MNS1: variants seen among roughly 807,000 people sequenced by gnomAD.
MNS1 encodes the protein meiosis-specific nuclear structural protein 1.
Under a neutral mutation model 72.0 loss-of-function variants are expected in MNS1, and 63 were observed. That is an observed-to-expected ratio of 0.87 (90% CI 0.71 to 1.08). The LOEUF (loss-of-function observed/expected upper bound fraction) is 1.08. Among genes scored for constraint, MNS1 ranks in the 50% least tolerant of loss-of-function variants. The probability of loss-of-function intolerance (pLI) is 0.00; values close to 1 mark genes in which losing one functional copy is unlikely to be tolerated. For missense variants in MNS1, 604 were observed against 562.4 expected (o/e 1.07, Z -0.75); for synonymous variants, 188 against 172.1 (o/e 1.09, Z -0.72).
chr15:56,436,865 A>C (rs1354159489), intron 7 of MNS1, among the ~76,000 whole-genome samples: 2 of 152,186 alleles, frequency 1.3e-5, no homozygotes, highest in African/African-American at 4.8e-5. Flanking sequence ...GAAATGGATA[A>C]ATTCCTGGAC....
rs1465703633 is a variant in MNS1, at chr15:56,446,959, AAAAC to A, written c.354-20_354-17del. On this transcript the variant is annotated splice_polypyrimidine_tract_variant and intron_variant, in intron 3 of 9. Transcript: ENST00000260453. ...AAGCTCAATGCTGTTTAAAAAAACA[AAAAC>A]AAATTTAAATGTTAGGACCATAAGA... 1 of 1,567,970 alleles carries A rather than the reference AAAAC, an allele frequency of 6.4e-7. No homozygotes were observed. The highest frequency in any genetic ancestry group is 8.7e-7 in the Non-Finnish European group (1 of 1,146,490).
Position 56,460,009 on chromosome 15 carries a change from A to AAAAAAAAAAAAATATATATATATAT in MNS1, c.226-3489_226-3488insATATATATATATATTTTTTTTTTTT. ...CTGTCTCAAAAAAAAAAAAAAAAAA[A>AAAAAAAAAAAAATATATATATATAT]ATACATATATATATATATATATATA... On this transcript the variant is annotated intron_variant, in intron 2 of 9. Transcript: ENST00000260453. Among the ~76,000 whole-genome samples, 6 of 26,378 alleles carry AAAAAAAAAAAAATATATATATATAT rather than the reference A, an allele frequency of 2.3e-4. 1 individual carries two copies. Among genetic ancestry groups the AAAAAAAAAAAAATATATATATATAT allele is most frequent in the East Asian group, 1.1e-3 (1 of 876 alleles). The allele number at this position is 26,378 out of a possible 152,430, so 17.3% of individuals were successfully genotyped here.
intron 9 of MNS1, 132 bp downstream of exon 9, chr15:56,431,241 C>T (rs1191736319): frequency 1.0e-6 from 1 of 980,562 alleles, no homozygotes; most frequent in Non-Finnish European, 1.5e-6. Flanking sequence ...AGTGCCTGGA[C>T]AGGAGGATCC....
chr15:56,429,969 T>G (rs2050529148), intron 9 of MNS1: 1 of 152,208 alleles, frequency 6.6e-6, no homozygotes. Context: ...ACATATGGAT[T>G]TTATCATTAA....
chr15:56,454,752 C>G (rs2050970106), intron 3 of MNS1, among the ~76,000 whole-genome samples: 1 of 152,146 alleles, frequency 6.6e-6, no homozygotes, highest in African/African-American at 2.4e-5. Flanking sequence ...AATACATCTG[C>G]TAGAACTTTG....
At chr15:56,439,751 T>TAA (rs374476223) in intron 7 of MNS1, among the ~76,000 whole-genome samples, 2 of 82,532 alleles carry the variant, frequency 2.4e-5, no homozygotes, top group East Asian at 3.1e-4. Flanking sequence ...TGGAAAAGCA[T>TAA]AAAAAAAAAA....
In MNS1 at chr15:56,444,648, G is replaced by C; in HGVS notation, c.482C>G (p.Thr161Ser). The C allele has an allele frequency of 6.2e-7, 1 of 1,608,250 alleles. No individual in the cohort carries two copies. The highest frequency in any genetic ancestry group is 8.5e-7 in the Non-Finnish European group (1 of 1,178,402). ...TATTCTCTTGTGTTCTTCCATCATGGTTTTGGCTATTTCAGCATCACGTTT... is the reference window on the plus strand; with the variant it reads ...TATTCTCTTGTGTTCTTCCATCATGCTTTTGGCTATTTCAGCATCACGTTT... ...QMKRDAEIAK[T>S]MMEEHKRIIK... The change falls in exon 5 of 10, where the codon ACC (threonine) becomes AGC (serine). Residue 161 changes from threonine to serine, a missense_variant. Thr to Ser is a moderately conservative substitution (Grantham distance 58). Transcript: ENST00000260453.
At position 56,460,009 on chromosome 15, in the gene MNS1, A is replaced by AAAATATATAT; in HGVS notation, c.226-3489_226-3488insATATATATTT. ...CTGTCTCAAAAAAAAAAAAAAAAAA[A>AAAATATATAT]ATACATATATATATATATATATATA... On this transcript the variant is annotated intron_variant, in intron 2 of 9. Transcript: ENST00000260453. 4.9e-4 allele frequency among the ~76,000 whole-genome samples: 13 copies of AAAATATATAT among 26,380 alleles called. 3 individuals are homozygous for AAAATATATAT. The highest frequency in any genetic ancestry group is 3.0e-3 in the South Asian group (2 of 674). The allele number at this position is 26,380 out of a possible 152,430, so 17.3% of individuals were successfully genotyped here.
rs369951910 is a variant in MNS1 at position 56,444,587 on chromosome 15, G to C, written c.543C>G (p.Asn181Lys). 1.1e-5 allele frequency: 18 copies of C among 1,612,292 alleles called. No homozygotes were observed. Among genetic ancestry groups the C allele is most frequent in the Non-Finnish European group, 1.5e-5 (18 of 1,179,296 alleles). The stretch of plus-strand genomic sequence containing the variant: ...CAAGATAGTACTGTGCTTTCGCTTT[G>C]TTTCGTTTGTCTTCTGCAGCATTCT... ...KEENAAEDKRNKAKAQYYLDL... is the reference protein window; with the variant it reads ...KEENAAEDKRKKAKAQYYLDL... Residue 181 changes from asparagine to lysine, a missense_variant, in exon 5 of 10, where the codon AAC (asparagine) becomes AAG (lysine). By Grantham distance (94) the Asn-to-Lys change is moderately conservative. Transcript: ENST00000260453.
chr15:56,432,089 C>A (rs1325228895), intron 8 of MNS1, among the ~76,000 whole-genome samples: 1 of 152,104 alleles, frequency 6.6e-6, no homozygotes, highest in Non-Finnish European at 1.5e-5. Context: ...AAACCTAATT[C>A]TATCTTAATT....
chr15:56,442,482 T>C (rs1322712536), intron 7 of MNS1, among the ~76,000 whole-genome samples: 1 of 152,152 alleles, frequency 6.6e-6, no homozygotes, highest in Non-Finnish European at 1.5e-5. Context: ...AGATATGGAA[T>C]CCACCTAGAT....
Position 56,434,309 on chromosome 15 carries a change from C to T in MNS1, c.1098G>A (p.Gln366=). The T allele has an allele frequency of 1.2e-6, 2 of 1,613,858 alleles. No individual in the cohort carries two copies. The highest frequency in any genetic ancestry group is 1.7e-6 in the Non-Finnish European group (2 of 1,179,906). ...EQMALKELVL[Q]AAKEEEENFR... is the part of the protein sequence containing the mutation. ...AGTTCTCCTCTTCCTCTTTTGCAGCCTGTAGCACTAATTCCTTCAAGGCCA... is the reference window on the plus strand; with the variant it reads ...AGTTCTCCTCTTCCTCTTTTGCAGCTTGTAGCACTAATTCCTTCAAGGCCA... Residue 366 remains glutamine (Q), a synonymous_variant, in exon 8 of 10, where the codon CAG becomes CAA. Coordinates refer to ENST00000260453, the MANE Select transcript of MNS1 (RefSeq NM_018365.4).
At chr15:56,445,000 CTTA>C (rs1346675573) in intron 4 of MNS1, among the ~76,000 whole-genome samples, 1 of 152,010 alleles carries the variant, frequency 6.6e-6, no homozygotes, top group Non-Finnish European at 1.5e-5. Flanking sequence ...CAGTCATTAT[CTTA>C]TTATTCTATT....
chr15:56,430,362 A>ACATCCAGTTAACTTTTTAT (rs2050552127), intron 9 of MNS1, among the ~76,000 whole-genome samples: 2 of 152,074 alleles, frequency 1.3e-5, no homozygotes, highest in African/African-American at 4.8e-5. Context: ...GTGCATCACC[A>ACATCCAGTTAACTTTTTAT]CATCCAGTTA....
intron 7 of MNS1, among the ~76,000 whole-genome samples, chr15:56,435,967 G>T (rs926100337): frequency 1.3e-5 from 2 of 151,960 alleles, no homozygotes; most frequent in Non-Finnish European, 2.9e-5. Context: ...GTTTATTACA[G>T]GGATGCAAGA....
intron 2 of MNS1, among the ~76,000 whole-genome samples, chr15:56,460,007 A>ATATATATATATATATATATATAT (rs1555449663): frequency 7.2e-5 from 2 of 27,634 alleles, no homozygotes; most frequent in African/African-American, 1.3e-4. Context: ...AAAAAAAAAA[A>ATATATATATATATATATATATAT]AAATACATAT....
chr15:56,431,264 A>G, intron 9 of MNS1, 109 bp downstream of exon 9: 1 of 1,306,622 alleles, frequency 7.7e-7, no homozygotes. Context: ...TTGCTGCTTC[A>G]TAACCGAGCA....
rs1381465389 is a variant in MNS1, at chr15:56,428,868, A to G, written c.*233T>C. On this transcript the variant is annotated 3_prime_UTR_variant, in exon 10 of 10. Coordinates refer to ENST00000260453, the MANE Select transcript of MNS1 (RefSeq NM_018365.4). ...CTGTCTTGAGGATGGGGATGCAAAC[A>G]GTGCTCTGTAGTGTTGTAGAAATCG... is the stretch of plus-strand genomic sequence containing the variant. 4 of 447,870 alleles carry G rather than the reference A, an allele frequency of 8.9e-6. No homozygotes were observed. Among genetic ancestry groups the G allele is most frequent in the Non-Finnish European group, 1.6e-5 (4 of 256,282 alleles). The allele number at this position is 447,870 out of a possible 1,614,324, so 27.7% of individuals were successfully genotyped here.
intron 3 of MNS1, chr15:56,447,206 C>A (rs1276160143): frequency 3.8e-6 from 1 of 266,102 alleles, no homozygotes; most frequent in Non-Finnish European, 7.2e-6. Flanking sequence ...ACTATCTCAA[C>A]TGCTGTAAAT....
Sources: allele counts gnomAD v4.1 joint callset (sites outside exome capture counted in the v4.1 genomes callset), GRCh38; gene constraint gnomAD v4.1.1; transcripts MANE v1.5; gene names NCBI Gene and HGNC (gene_info 2026-07-23, HGNC 2026-07-21).